The following CNTNAP2 variants were observed in gnomAD, a reference collection of about 807,000 sequenced individuals.
CNTNAP2 encodes contactin associated protein 2, also known as contactin-associated protein-like 2.
Under a neutral mutation model 155.2 loss-of-function variants are expected in CNTNAP2, and 98 were observed. That is an observed-to-expected ratio of 0.63 (90% CI 0.54 to 0.75). The LOEUF (loss-of-function observed/expected upper bound fraction) is 0.75. Ranked by LOEUF, CNTNAP2 falls within the 30% of genes least tolerant of loss-of-function variation. CNTNAP2 has a pLI of 0.00. For missense variants in CNTNAP2, 1,727 were observed against 1,688.1 expected (o/e 1.02, Z -0.40); for synonymous variants, 651 against 631.2 (o/e 1.03, Z -0.47).
rs185581752 is a variant in CNTNAP2, at chr7:147,352,212, A to G, written c.1499-43397A>G. ...TATAACATAATGTTAGTTTTATGTA[A>G]AAGCAATTCAGCAAGTCTGAAATTA... is the stretch of plus-strand genomic sequence containing the variant. On this transcript the variant is annotated intron_variant, in intron 9 of 23. Transcript: ENST00000361727. Among the ~76,000 whole-genome samples, 653 of 151,960 alleles carry G rather than the reference A, an allele frequency of 4.3e-3. 3 individuals are homozygous for G. Among genetic ancestry groups the G allele is most frequent in the Non-Finnish European group, 6.2e-3 (418 of 67,848 alleles).
intron 13 of CNTNAP2, among the ~76,000 whole-genome samples, chr7:147,741,907 A>G (rs1353564089): frequency 6.6e-6 from 1 of 152,178 alleles, no homozygotes; most frequent in Non-Finnish European, 1.5e-5. Context: ...CGTACCAGAG[A>G]CTGGGCAATT....
chr7:147,492,703 A>G (rs1798630100), intron 11 of CNTNAP2, among the ~76,000 whole-genome samples: 1 of 152,138 alleles, frequency 6.6e-6, no homozygotes, highest in South Asian at 2.1e-4. Flanking sequence ...ATACTTTATA[A>G]ATTCTCTGTT....
chr7:146,800,869 G>A (rs1013245847), intron 2 of CNTNAP2, among the ~76,000 whole-genome samples: 4 of 152,036 alleles, frequency 2.6e-5, no homozygotes, highest in African/African-American at 9.7e-5. Context: ...CAAAGAAGGT[G>A]TCAGGAGTAG....
rs1218208003 is a variant in CNTNAP2, at chr7:146,173,378, GT to G, written c.97+56408del. 2.0e-5 allele frequency among the ~76,000 whole-genome samples: 3 copies of G among 151,862 alleles called. No homozygotes were observed. In the East Asian group the frequency reaches 5.8e-4, roughly 29 times the overall value. ...TTTTAATAATTGAATTTTCCAGTTT[GT>G]TTGCTGTAAACATTGACCATTTAGA... is the stretch of plus-strand genomic sequence containing the variant. On this transcript the variant is annotated intron_variant, in intron 1 of 23. Coordinates refer to ENST00000361727, the MANE Select transcript of CNTNAP2 (RefSeq NM_014141.6).
intron 15 of CNTNAP2, among the ~76,000 whole-genome samples, chr7:148,076,823 C>T (rs1361561408): frequency 6.6e-6 from 1 of 152,110 alleles, no homozygotes; most frequent in Non-Finnish European, 1.5e-5. Flanking sequence ...AAAGCCTCTG[C>T]CTCCTACCAA....
At chr7:146,480,679 T>A (rs1479554014) in intron 1 of CNTNAP2, among the ~76,000 whole-genome samples, 3 of 148,044 alleles carry the variant, frequency 2.0e-5, no homozygotes, top group African/African-American at 7.4e-5. Context: ...TATATATTTT[T>A]TTTTTTCCTT....
chr7:148,099,032 T>A (rs2116577102), intron 15 of CNTNAP2, among the ~76,000 whole-genome samples: 1 of 152,066 alleles, frequency 6.6e-6, no homozygotes, highest in African/African-American at 2.4e-5. Context: ...CCGGGGACAG[T>A]GAGAGGAAGG....
intron 3 of CNTNAP2, among the ~76,000 whole-genome samples, chr7:146,920,098 C>T (rs1796471636): frequency 6.6e-6 from 1 of 152,066 alleles, no homozygotes; most frequent in African/African-American, 2.4e-5. Flanking sequence ...TAAGAGAGTA[C>T]ATCTCAAATG....
intron 9 of CNTNAP2, among the ~76,000 whole-genome samples, chr7:147,337,640 G>A (rs1795687689): frequency 6.6e-6 from 1 of 152,120 alleles, no homozygotes; most frequent in Non-Finnish European, 1.5e-5. Context: ...TCTACAAATT[G>A]TTATCACAAA....
At chr7:147,499,390 G>A (rs7799254) in intron 11 of CNTNAP2, among the ~76,000 whole-genome samples, 43,380 of 151,580 alleles carry the variant, frequency 0.29, 6,305 homozygotes, top group East Asian at 0.42. Context: ...ATAGCTGGGC[G>A]TGGTGGCAGG....
intron 15 of CNTNAP2, among the ~76,000 whole-genome samples, chr7:148,110,746 G>C (rs953958482): frequency 2.6e-5 from 4 of 152,080 alleles, no homozygotes; most frequent in Admixed American, 1.3e-4. Context: ...TCACACCCCA[G>C]CTCCCCGCTA....
intron 1 of CNTNAP2, among the ~76,000 whole-genome samples, chr7:146,261,698 A>G (rs1243807124): frequency 1.3e-5 from 2 of 152,094 alleles, no homozygotes; most frequent in African/African-American, 4.8e-5. Context: ...TAGTCTGCAA[A>G]GGTTGTAGCT....
At chr7:147,064,357 G>A (rs1212881450) in intron 4 of CNTNAP2, among the ~76,000 whole-genome samples, 1 of 152,126 alleles carries the variant, frequency 6.6e-6, no homozygotes, top group Non-Finnish European at 1.5e-5. Context: ...CACATGCTCT[G>A]TATATTGCTG....
intron 3 of CNTNAP2, among the ~76,000 whole-genome samples, chr7:146,977,474 G>A (rs1797934173): frequency 6.6e-6 from 1 of 152,148 alleles, no homozygotes; most frequent in Non-Finnish European, 1.5e-5. Flanking sequence ...ACTCTCAGGA[G>A]GAGTCTCCTG....
At chr7:147,349,148 T>A (rs185428780) in intron 9 of CNTNAP2, among the ~76,000 whole-genome samples, 2 of 152,072 alleles carry the variant, frequency 1.3e-5, no homozygotes, top group Admixed American at 1.3e-4. Flanking sequence ...CATTTCGACA[T>A]TCTCAACACA....
chr7:146,327,237 A>C (rs1801112810), intron 1 of CNTNAP2, among the ~76,000 whole-genome samples: 1 of 152,210 alleles, frequency 6.6e-6, no homozygotes, highest in African/African-American at 2.4e-5. Flanking sequence ...CAAAATTTTG[A>C]TTTAAGAGCA....
At chr7:148,021,432 T>C (rs780752588) in intron 15 of CNTNAP2, among the ~76,000 whole-genome samples, 1 of 152,158 alleles carries the variant, frequency 6.6e-6, no homozygotes, top group Non-Finnish European at 1.5e-5. Context: ...AAGTAGACCA[T>C]AGCCAGTCTA....
chr7:147,463,333 G>T lies in CNTNAP2; in HGVS notation c.1671-22602G>T, dbSNP rs555446407. 1.6e-4 allele frequency among the ~76,000 whole-genome samples: 25 copies of T among 152,208 alleles called. No homozygotes were observed. In the East Asian group the frequency reaches 3.5e-3, roughly 21 times the overall value. On this transcript the variant is annotated intron_variant, in intron 10 of 23. Transcript: ENST00000361727. ...AAATGTTACAACCTTGAACTTTTTT[G>T]ATTCTTTTTGGGCTTGAACATCTAA...
At position 147,096,570 on chromosome 7, in the gene CNTNAP2, C is replaced by T. The variant is rs144439519; in HGVS notation, c.551-11577C>T. ...GTAAGAAAGTAAAAGATCAATAGAA[C>T]GACATGATATTTATAACCAGCCAGC... On this transcript the variant is annotated intron_variant, in intron 4 of 23. Coordinates refer to ENST00000361727, the MANE Select transcript of CNTNAP2 (RefSeq NM_014141.6). Among the ~76,000 whole-genome samples the T allele has an allele frequency of 9.2e-5, 14 of 152,260 alleles. No individual in the cohort carries two copies. In the East Asian group the frequency reaches 9.6e-4, roughly 10 times the overall value.
Sources: allele counts gnomAD v4.1 joint callset (sites outside exome capture counted in the v4.1 genomes callset), GRCh38; gene constraint gnomAD v4.1.1; transcripts MANE v1.5; gene names NCBI Gene and HGNC (gene_info 2026-07-23, HGNC 2026-07-21).